Variants in ZNHIT6 observed in about 807,000 individuals in gnomAD.
ZNHIT6 encodes box C/D snoRNA protein 1.
A neutral mutation model predicts 57.2 loss-of-function variants in ZNHIT6; 45 were observed. The observed-to-expected ratio is 0.79, with a 90% CI of 0.62 to 1.01. The LOEUF (loss-of-function observed/expected upper bound fraction) is 1.01, where lower values mean the gene tolerates loss of function less well. Among genes scored for constraint, ZNHIT6 ranks in the 50% least tolerant of loss-of-function variants. The probability of loss-of-function intolerance (pLI) is 0.00; values close to 1 mark genes in which losing one functional copy is unlikely to be tolerated. For synonymous variants in ZNHIT6, 188 were observed against 190.0 expected (o/e 0.99, Z 0.09); for missense variants, 528 against 567.3 (o/e 0.93, Z 0.70).
chr1:85,657,380 C>A (rs1661088188), intron 9 of ZNHIT6, among the ~76,000 whole-genome samples: 1 of 147,920 alleles, frequency 6.8e-6, no homozygotes, highest in African/African-American at 2.5e-5. Context: ...ATGTTCCTTG[C>A]AACATTTTCT....
At chr1:85,681,592 T>C (rs1013182809) in intron 5 of ZNHIT6, among the ~76,000 whole-genome samples, 1 of 152,328 alleles carries the variant, frequency 6.6e-6, no homozygotes, top group African/African-American at 2.4e-5. Flanking sequence ...ATGTTTTCCT[T>C]ACTTAGAAGA....
intron 5 of ZNHIT6, among the ~76,000 whole-genome samples, chr1:85,696,314 A>G (rs1432022947): frequency 2.0e-5 from 3 of 152,102 alleles, no homozygotes; most frequent in Non-Finnish European, 1.5e-5. Flanking sequence ...AGAAACACCA[A>G]TTTAAAGTGA....
At position 85,708,041 on chromosome 1, in the gene ZNHIT6, T is replaced by C; in HGVS notation, c.244A>G (p.Ile82Val). Residue 82 changes from isoleucine (I) to valine (V), a missense_variant, in exon 1 of 10, where the codon ATT becomes GTT. Coordinates refer to ENST00000370574, the MANE Select transcript of ZNHIT6 (RefSeq NM_017953.4). ...PMDLTVVKQEIIDWPGTEGRL... is the reference protein window; with the variant it reads ...PMDLTVVKQEVIDWPGTEGRL... ...CCTTCTGTACCTGGCCAGTCTATAA[T>C]TTCCTGCTTCACTACCGTTAGGTCC... 1 of 1,614,150 alleles carries C rather than the reference T, an allele frequency of 6.2e-7. No homozygotes were observed. Among genetic ancestry groups the C allele is most frequent in the African/African-American group, 1.3e-5 (1 of 75,042 alleles).
chr1:85,701,276 C>T (rs113603404), intron 5 of ZNHIT6, among the ~76,000 whole-genome samples: 5 of 152,210 alleles, frequency 3.3e-5, no homozygotes, highest in African/African-American at 1.2e-4. Context: ...TTACCCGGGT[C>T]AACTCCCCAC....
intron 5 of ZNHIT6, among the ~76,000 whole-genome samples, chr1:85,688,075 T>TA (rs1186204434): frequency 6.6e-6 from 1 of 151,636 alleles, no homozygotes; most frequent in African/African-American, 2.4e-5. Flanking sequence ...CTACAGGTTA[T>TA]AAAAAACTAC....
chr1:85,707,693 T>A lies in ZNHIT6; in HGVS notation c.592A>T (p.Lys198Ter). ...TTTATCGGAGGCTCTTCTTTCACCT[T>A]TGTATCATCCACGATTTCTTTCTTC... ...FLKKEIVDDT[K>*]VKEEPPINHP... Residue 198 changes from lysine to a stop codon, truncating the protein, a stop_gained, in exon 1 of 10, where the codon AAG (lysine) becomes TAG (stop). Coordinates refer to ENST00000370574, the MANE Select transcript of ZNHIT6 (RefSeq NM_017953.4). LOFTEE classifies it high-confidence loss of function. 6.2e-7 allele frequency: 1 copy of A among 1,603,672 alleles called. No individual in the cohort carries two copies. The highest frequency in any genetic ancestry group is 2.2e-5 in the East Asian group (1 of 44,852).
intron 7 of ZNHIT6, 40 bp from the exon 8 acceptor site, chr1:85,677,353 T>C (rs1661732810): frequency 6.5e-7 from 1 of 1,542,428 alleles, no homozygotes; most frequent in African/African-American, 1.4e-5. Context: ...AGCTGATTTT[T>C]AATATATTTC....
chr1:85,657,557 T>TA (rs1038138953), intron 9 of ZNHIT6, among the ~76,000 whole-genome samples: 1 of 151,622 alleles, frequency 6.6e-6, no homozygotes. Flanking sequence ...ACTATTAGCT[T>TA]AAAAAAAGAC....
At chr1:85,701,171 C>T (rs1662520160) in intron 5 of ZNHIT6, among the ~76,000 whole-genome samples, 1 of 152,154 alleles carries the variant, frequency 6.6e-6, no homozygotes, top group South Asian at 2.1e-4. Context: ...ATGATAACAG[C>T]TTTGAAAAGA....
chr1:85,659,443 T>C (rs529076943), intron 8 of ZNHIT6, among the ~76,000 whole-genome samples: 3 of 152,340 alleles, frequency 2.0e-5, no homozygotes, highest in Non-Finnish European at 4.4e-5. Context: ...TCTCTACCAA[T>C]GACAGGTGAT....
rs918737196 is a variant in ZNHIT6, at chr1:85,649,903, A to G, written c.*4155T>C. ...TATAATGGCAACTCAAAGCAGCAATAATAAGAAGAAGAGATTAAAATCTCT... is the reference window on the plus strand; with the variant it reads ...TATAATGGCAACTCAAAGCAGCAATGATAAGAAGAAGAGATTAAAATCTCT... On this transcript the variant is annotated 3_prime_UTR_variant, in exon 10 of 10. Coordinates refer to ENST00000370574, the MANE Select transcript of ZNHIT6 (RefSeq NM_017953.4). The G allele has an allele frequency of 6.6e-6, 1 of 152,174 alleles. No individual in the cohort carries two copies. Among genetic ancestry groups the G allele is most frequent in the South Asian group, 2.1e-4 (1 of 4,830 alleles). The allele number at this position is 152,174 out of a possible 1,614,324, so 9.4% of individuals were successfully genotyped here.
chr1:85,689,203 A>G (rs1186393771), intron 5 of ZNHIT6, among the ~76,000 whole-genome samples: 2 of 152,252 alleles, frequency 1.3e-5, no homozygotes, highest in Non-Finnish European at 2.9e-5. Context: ...AAGAAAATAT[A>G]ACAAATTTTG....
intron 5 of ZNHIT6, among the ~76,000 whole-genome samples, chr1:85,686,947 T>C (rs867416486): frequency 6.6e-6 from 1 of 152,020 alleles, no homozygotes; most frequent in African/African-American, 2.4e-5. Context: ...ACGGTATTTC[T>C]ATCACAATTA....
At position 85,694,468 on chromosome 1, in the gene ZNHIT6, C is replaced by CTT. The variant is rs67553129; in HGVS notation, c.1019+7687_1019+7688dup. The stretch of plus-strand genomic sequence containing the variant: ...TTTATGTTTCAAATTTTTCGTTTTT[C>CTT]TTTTTTTTTTTGAGACGGAGTCTCG... On this transcript the variant is annotated intron_variant, in intron 5 of 9. Coordinates refer to ENST00000370574, the MANE Select transcript of ZNHIT6 (RefSeq NM_017953.4). 3.3e-3 allele frequency among the ~76,000 whole-genome samples: 484 copies of CTT among 148,520 alleles called. 1 individual carries two copies. The highest frequency in any genetic ancestry group is 9.3e-3 in the African/African-American group (379 of 40,788).
At chr1:85,691,081 C>A (rs866880851) in intron 5 of ZNHIT6, among the ~76,000 whole-genome samples, 1 of 152,098 alleles carries the variant, frequency 6.6e-6, no homozygotes, top group South Asian at 2.1e-4. Flanking sequence ...TTTGAAATTG[C>A]CTCACAGTTA....
intron 5 of ZNHIT6, among the ~76,000 whole-genome samples, chr1:85,701,230 A>C (rs1306852383): frequency 6.6e-6 from 1 of 152,184 alleles, no homozygotes; most frequent in Non-Finnish European, 1.5e-5. Context: ...TGTCTTTTCA[A>C]TTTTTGGAAG....
intron 4 of ZNHIT6, among the ~76,000 whole-genome samples, chr1:85,705,203 C>T (rs1236919578): frequency 6.6e-6 from 1 of 152,020 alleles, no homozygotes; most frequent in African/African-American, 2.4e-5. Context: ...AATTAGAAAC[C>T]CTCACCAGTT....
In ZNHIT6 at chr1:85,708,288, CT is replaced by C; in HGVS notation, c.-5del. ...CATTTTCAGCAGCAAACTCCATCAA[CT>C]CACGATCCTTGGCCTCTGCTGCCAC... On this transcript the variant is annotated 5_prime_UTR_variant, in exon 1 of 10. Transcript: ENST00000370574. 2 of 1,591,906 alleles carry C rather than the reference CT, an allele frequency of 1.3e-6. No individual in the cohort carries two copies. Among genetic ancestry groups the C allele is most frequent in the African/African-American group, 2.7e-5 (2 of 74,780 alleles).
At chr1:85,674,529 C>T (rs533315679) in intron 8 of ZNHIT6, among the ~76,000 whole-genome samples, 25 of 152,284 alleles carry the variant, frequency 1.6e-4, no homozygotes, top group African/African-American at 5.5e-4. Context: ...ATTCCCTTCA[C>T]TTTGGCGATT....
Sources: gnomAD v4.1 joint callset for allele counts (sites outside exome capture counted in the v4.1 genomes callset) on GRCh38, gnomAD v4.1.1 for gene constraint, MANE v1.5 for transcripts, NCBI Gene and HGNC (gene_info 2026-07-23, HGNC 2026-07-21) for gene names.